Variants in FAM83G observed in about 807,000 individuals in gnomAD.
The protein encoded by FAM83G is scaffolding CK1 anchoring protein G, also known as protein FAM83G.
A neutral mutation model predicts 61.5 loss-of-function variants in FAM83G; 38 were observed. That is an observed-to-expected ratio of 0.62 (90% CI 0.48 to 0.81). The LOEUF is 0.81. Ranked by LOEUF, FAM83G falls within the 30% of genes least tolerant of loss-of-function variation. The pLI is 0.00. For missense variants in FAM83G, 989 were observed against 1,133.6 expected, an observed-to-expected ratio of 0.87 and a Z score of 1.83; for synonymous variants, 470 against 476.1, an observed-to-expected ratio of 0.99 and a Z score of 0.17.
upstream of FAM83G, chr17:19,004,794 G>A (rs566220784): frequency 2.0e-5 from 3 of 150,896 alleles, no homozygotes; most frequent in East Asian, 3.9e-4. This position sits in a 1 kb window ranked among gnomAD's most constrained non-coding sequence, Gnocchi z 5.4. Flanking sequence ...GTGACTCAGG[G>A]CCGCCCCGCT....
chr17:18,988,177 C>T lies in FAM83G; in HGVS notation c.690+70G>A, dbSNP rs377183581. ...ACTCCGTCCAGAGCAGGCAGGTACTCGAAGTGTTTGTTGACAGACTGAATG... is the reference window on the plus strand; with the variant it reads ...ACTCCGTCCAGAGCAGGCAGGTACTTGAAGTGTTTGTTGACAGACTGAATG... On this transcript the variant is annotated intron_variant, in intron 3 of 5. Transcript: ENST00000388995. 1,614 of 1,566,060 alleles carry T rather than the reference C, an allele frequency of 1.0e-3. 24 individuals are homozygous for T. The South Asian group carries it at 0.018, about 17-fold the overall frequency.
Position 18,978,861 on chromosome 17 carries a change from G to A in FAM83G, c.816-11C>T, listed in dbSNP as rs1158931774. The A allele has an allele frequency of 6.2e-7, 1 of 1,610,192 alleles. No individual in the cohort carries two copies. Among genetic ancestry groups the A allele is most frequent in the Non-Finnish European group, 8.5e-7 (1 of 1,177,956 alleles). On this transcript the variant is annotated splice_polypyrimidine_tract_variant and intron_variant, in intron 4 of 5. Transcript: ENST00000388995. ...GCCGACCACGTGAAGCTGCAACAGA[G>A]GGAGGGGGCGCTGGTCAGGCACATG... is the stretch of plus-strand genomic sequence containing the variant.
intron 3 of FAM83G, among the ~76,000 whole-genome samples, chr17:18,985,817 G>C (rs967321243): frequency 1.4e-4 from 21 of 152,212 alleles, no homozygotes; most frequent in Non-Finnish European, 2.6e-4. Context: ...GGGACCTGCA[G>C]TGCCAGCTGC....
Position 18,978,734 on chromosome 17 carries a change from C to A in FAM83G, c.932G>T (p.Ser311Ile), listed in dbSNP as rs770977614. ...CTTCTCCATAGGGATGCCCTTGAGG[C>A]TCACACTGTGTGACATGAGGTACAG... ...QELYLMSHSV[S>I]LKGIPMEKEP... Residue 311 changes from serine (S) to isoleucine (I), a missense_variant, in exon 5 of 6, where the codon AGC becomes ATC. Coordinates refer to ENST00000388995, the MANE Select transcript of FAM83G (RefSeq NM_001039999.3). The A allele has an allele frequency of 6.8e-5, 110 of 1,612,872 alleles. No homozygotes were observed. Among genetic ancestry groups the A allele is most frequent in the Non-Finnish European group, 9.2e-5 (109 of 1,180,026 alleles).
chr17:18,980,658 C>T (rs2043107934), intron 3 of FAM83G, among the ~76,000 whole-genome samples: 2 of 152,170 alleles, frequency 1.3e-5, no homozygotes, highest in Admixed American at 1.3e-4. Flanking sequence ...GTGCTGGGCA[C>T]GGCAGACCCC....
At position 18,971,742 on chromosome 17, in the gene FAM83G, G is replaced by T; in HGVS notation, c.2089C>A (p.Gln697Lys). 6.4e-7 allele frequency: 1 copy of T among 1,563,352 alleles called. No individual in the cohort carries two copies. Among genetic ancestry groups the T allele is most frequent in the Non-Finnish European group, 8.7e-7 (1 of 1,152,726 alleles). The change falls in exon 6 of 6, where the codon CAG (glutamine) becomes AAG (lysine). Residue 697 changes from glutamine (Q) to lysine (K), a missense_variant. Gln to Lys is a moderately conservative substitution (Grantham distance 53, BLOSUM62 1). Around this residue, in one of 3 missense-constraint regions of FAM83G, gnomAD observed 574 missense variants for 645.1 expected, o/e 0.89. Coordinates refer to ENST00000388995, the MANE Select transcript of FAM83G (RefSeq NM_001039999.3). This position sits in a 1 kb window ranked among gnomAD's most constrained non-coding sequence, Gnocchi z 5.5. ...GCAGGGACCCTGTGATGATGAAACT[G>T]CTGGCCCTGGGAGAGAGAGAGCAGA... ...RSTDKEAQGQ[Q>K]FHHHRVPASG...
intron 5 of FAM83G, chr17:18,976,780 G>A: frequency 6.4e-7 from 1 of 1,574,302 alleles, no homozygotes; most frequent in Non-Finnish European, 8.6e-7. Context: ...CATTCCCTGA[G>A]GCCCACCAAG....
In FAM83G at chr17:18,968,953, C is replaced by T. The variant is rs2042768255; in HGVS notation, c.*2406G>A. 8.7e-7 allele frequency: 1 copy of T among 1,156,002 alleles called. No individual in the cohort carries two copies. The highest frequency in any genetic ancestry group is 1.5e-5 in the African/African-American group (1 of 64,898). The allele number at this position is 1,156,002 out of a possible 1,614,324, so 71.6% of individuals were successfully genotyped here. A position where few individuals can be genotyped will look rare whatever the true frequency, so the allele number is the denominator to read the frequency against. On this transcript the variant is annotated 3_prime_UTR_variant, in exon 6 of 6. Coordinates refer to ENST00000388995, the MANE Select transcript of FAM83G (RefSeq NM_001039999.3). This position sits in a 1 kb window ranked among gnomAD's most constrained non-coding sequence, Gnocchi z 4.1. ...GGGTCTCCCCTCCTTATCCACAGGC[C>T]ACCGAGGCCCAGAGAGGGCCTTGCC...
At chr17:18,980,188 C>T (rs908886164) in intron 3 of FAM83G, among the ~76,000 whole-genome samples, 3 of 152,166 alleles carry the variant, frequency 2.0e-5, no homozygotes, top group African/African-American at 7.2e-5. Context: ...CGTGGCCCTA[C>T]CCGGCCTCTC....
At position 18,969,249 on chromosome 17, in the gene FAM83G, G is replaced by A. The variant is rs2042778083; in HGVS notation, c.*2110C>T. ...CTACAGGCCCGAGGGAGCAGCCCAG[G>A]AAGTGGCCCCAGCAGGAGCCCCAGA... On this transcript the variant is annotated 3_prime_UTR_variant, in exon 6 of 6. Transcript: ENST00000388995. The A allele has an allele frequency of 2.5e-6, 4 of 1,578,756 alleles. No homozygotes were observed. The highest frequency in any genetic ancestry group is 1.7e-6 in the Non-Finnish European group (2 of 1,156,202).
chr17:18,990,763 A>T (rs2043399855), intron 2 of FAM83G, among the ~76,000 whole-genome samples: 3 of 151,446 alleles, frequency 2.0e-5, no homozygotes, highest in Admixed American at 2.0e-4. Context: ...TGTAACAGGC[A>T]CGAGCTTATG....
In FAM83G at chr17:19,003,704, G is replaced by T; in HGVS notation, c.338C>A (p.Pro113Gln). The T allele has an allele frequency of 6.2e-7, 1 of 1,606,442 alleles. No homozygotes were observed. The highest frequency in any genetic ancestry group is 8.5e-7 in the Non-Finnish European group (1 of 1,176,306). The change falls in exon 2 of 6, where the codon CCG becomes CAG. Residue 113 changes from proline (P) to glutamine (Q), a missense_variant. This residue lies in a region of FAM83G where 371 missense variants were observed against 404.5 expected (regional missense o/e 0.92). Transcript: ENST00000388995. The surrounding 1 kb of genome is among the most constrained non-coding windows in gnomAD (Gnocchi z 4.5). The stretch of plus-strand genomic sequence containing the variant: ...GGGCCAGTACTCCAGGGAGGGCAGC[G>T]GCTCGGCCTCGATGGGGACCCCATC... ...GADGVPIEAE[P>Q]LPSLEYWPQK...
chr17:18,977,520 CGAGCTCTT>C, intron 5 of FAM83G, 56 bp downstream of exon 5: 1 of 1,490,476 alleles, frequency 6.7e-7, no homozygotes, highest in Non-Finnish European at 9.1e-7. Flanking sequence ...GACAACAGCT[CGAGCTCTT>C]GGGTGGCTGG....
chr17:18,992,898 C>A (rs550951288), intron 2 of FAM83G, among the ~76,000 whole-genome samples: 2 of 152,332 alleles, frequency 1.3e-5, no homozygotes, highest in South Asian at 4.1e-4. Context: ...CCTCCCCACA[C>A]AGCTCCTGCC....
At chr17:18,982,029 AC>A (rs1413171401) in intron 3 of FAM83G, among the ~76,000 whole-genome samples, 1 of 152,072 alleles carries the variant, frequency 6.6e-6, no homozygotes, top group African/African-American at 2.4e-5. Context: ...CAGCATCAGG[AC>A]CCTTCTGGAC....
At chr17:18,999,861 AG>A (rs1317922643) in intron 2 of FAM83G, among the ~76,000 whole-genome samples, 7 of 152,248 alleles carry the variant, frequency 4.6e-5, no homozygotes, top group Non-Finnish European at 7.3e-5. Context: ...CTGTGAAATA[AG>A]GAAGGTGTGA....
In FAM83G at chr17:18,980,479, G is replaced by C. The variant is rs566621986; in HGVS notation, c.691-806C>G. Among the ~76,000 whole-genome samples the C allele has an allele frequency of 3.3e-5, 5 of 152,266 alleles. No individual in the cohort carries two copies. In the South Asian group the frequency reaches 1.0e-3, roughly 32 times the overall value. On this transcript the variant is annotated intron_variant, in intron 3 of 5. Coordinates refer to ENST00000388995, the MANE Select transcript of FAM83G (RefSeq NM_001039999.3). ...GCCCCTCAACTGCCTCAGCTCCAAG[G>C]CCAGGTCGTCACCGGCCTTTTCCTG...
At position 18,986,402 on chromosome 17, in the gene FAM83G, T is replaced by A. The variant is rs186889431; in HGVS notation, c.690+1845A>T. On this transcript the variant is annotated intron_variant, in intron 3 of 5. Coordinates refer to ENST00000388995, the MANE Select transcript of FAM83G (RefSeq NM_001039999.3). ...GTACCAGGGATCTGCAGCCTCCTTG[T>A]CAGAGCTGATTTGTCACTATTGGCT... 2.2e-3 allele frequency: 337 copies of A among 152,380 alleles called. 1 individual carries two copies. Among genetic ancestry groups the A allele is most frequent in the African/African-American group, 7.4e-3 (308 of 41,586 alleles). The allele number at this position is 152,380 out of a possible 1,614,324, so 9.4% of individuals were successfully genotyped here.
rs892936832 is a variant in FAM83G at position 18,996,097 on chromosome 17, G to C, written c.522+7423C>G. Among the ~76,000 whole-genome samples the C allele has an allele frequency of 1.3e-5, 2 of 149,222 alleles. No individual in the cohort carries two copies. Among genetic ancestry groups the C allele is most frequent in the African/African-American group, 2.5e-5 (1 of 40,264 alleles). The stretch of plus-strand genomic sequence containing the variant: ...GGACTTCTCATCAGAATCACTGCAA[G>C]CCACAAGACAACAGGCAATATCTTT... On this transcript the variant is annotated intron_variant, in intron 2 of 5. Coordinates refer to ENST00000388995, the MANE Select transcript of FAM83G (RefSeq NM_001039999.3). This position sits in a 1 kb window ranked among gnomAD's most constrained non-coding sequence, Gnocchi z 4.4.
Sources: allele counts gnomAD v4.1 joint callset (sites outside exome capture counted in the v4.1 genomes callset), GRCh38; gene constraint gnomAD v4.1.1; regional missense constraint gnomAD v4.1.1; non-coding constraint Gnocchi (gnomAD v3.1); transcripts MANE v1.5; gene names NCBI Gene and HGNC (gene_info 2026-07-23, HGNC 2026-07-21).